The following THADA variants were observed in gnomAD, a reference collection of about 807,000 sequenced individuals.
THADA encodes THADA armadillo repeat containing.
Under a neutral mutation model 219.8 loss-of-function variants are expected in THADA, and 213 were observed. The observed-to-expected ratio is 0.97, with a 90% CI of 0.87 to 1.09. The LOEUF is 1.09. Ranked by LOEUF, THADA falls within the 50% of genes least tolerant of loss-of-function variation. The probability of loss-of-function intolerance (pLI) is 0.00; values close to 1 mark genes in which losing one functional copy is unlikely to be tolerated. For synonymous variants in THADA, 1,018 were observed against 828.9 expected (o/e 1.23, Z -3.92); for missense variants, 2,956 against 2,311.3 (o/e 1.28, Z -5.72).
intron 36 of THADA, among the ~76,000 whole-genome samples, chr2:43,271,910 C>T (rs79009976): frequency 0.03 from 4,631 of 152,224 alleles, 200 homozygotes; most frequent in African/African-American, 0.1. Flanking sequence ...CCACCACGCC[C>T]GGCCTCTCTT....
At chr2:43,358,623 G>T (rs1051971915) in intron 29 of THADA, among the ~76,000 whole-genome samples, 1 of 152,208 alleles carries the variant, frequency 6.6e-6, no homozygotes, top group African/African-American at 2.4e-5. Flanking sequence ...CTTGTAAAGA[G>T]AGACTGGCTT....
intron 20 of THADA, among the ~76,000 whole-genome samples, chr2:43,544,934 G>A (rs903271428): frequency 2.1e-4 from 31 of 151,068 alleles, no homozygotes; most frequent in Middle Eastern, 3.4e-3. Context: ...TGGTGAGAGA[G>A]GGCATCCCTG....
intron 7 of THADA, among the ~76,000 whole-genome samples, chr2:43,584,900 A>G (rs1231825345): frequency 6.6e-6 from 1 of 152,230 alleles, no homozygotes; most frequent in African/African-American, 2.4e-5. Context: ...GGAAGATAGC[A>G]CACACAGATA....
chr2:43,588,645 A>G (rs576115436), intron 4 of THADA, among the ~76,000 whole-genome samples: 141 of 152,278 alleles, frequency 9.3e-4, no homozygotes, highest in African/African-American at 3.3e-3. Context: ...TAATGATAGC[A>G]TTTTCCTTCA....
At chr2:43,585,293 T>G (rs964862437) in intron 7 of THADA, among the ~76,000 whole-genome samples, 1 of 148,602 alleles carries the variant, frequency 6.7e-6, no homozygotes, top group Non-Finnish European at 1.5e-5. Context: ...GAGGATCACT[T>G]GAGCCAATGA....
rs769611674 is a variant in THADA at position 43,570,404 on chromosome 2, G to A, written c.2171C>T (p.Ser724Phe). 25 of 1,611,838 alleles carry A rather than the reference G, an allele frequency of 1.6e-5. No homozygotes were observed. Among genetic ancestry groups the A allele is most frequent in the Non-Finnish European group, 2.1e-5 (25 of 1,179,210 alleles). Reference sequence around the variant, plus strand: ...ATCACCTACCTTATACTGCTGTAAAGAAACAGAAGGGTGCTGTTTGGTTAA... The same window carrying A: ...ATCACCTACCTTATACTGCTGTAAAAAAACAGAAGGGTGCTGTTTGGTTAA... Reference protein sequence around the residue: ...NELTKQHPSVSLQQYKNFMSS... With the variant: ...NELTKQHPSVFLQQYKNFMSS... The change falls in exon 14 of 38, where the codon TCT becomes TTT. Residue 724 changes from serine (S) to phenylalanine (F), a missense_variant. Physicochemically the swap from Ser to Phe is radical, Grantham distance 155. Coordinates refer to ENST00000405975, the MANE Select transcript of THADA (RefSeq NM_022065.5).
At chr2:43,241,775 T>C (rs911804272) in intron 36 of THADA, among the ~76,000 whole-genome samples, 2 of 151,976 alleles carry the variant, frequency 1.3e-5, no homozygotes, top group African/African-American at 4.8e-5. Flanking sequence ...CTGCCTCCCA[T>C]CGCGCGCCTT....
chr2:43,515,874 G>A (rs1370333028), intron 22 of THADA, among the ~76,000 whole-genome samples: 1 of 152,054 alleles, frequency 6.6e-6, no homozygotes, highest in East Asian at 1.9e-4. Flanking sequence ...TAGTTTCAAT[G>A]GGGTGTCTAC....
chr2:43,502,599 A>AAGAAAG (rs1553466050), intron 24 of THADA, among the ~76,000 whole-genome samples: 1 of 146,382 alleles, frequency 6.8e-6, no homozygotes, highest in African/African-American at 2.6e-5. Context: ...AAAAAAAAAA[A>AAGAAAG]AAAGAAAGAA....
At position 43,459,715 on chromosome 2, in the gene THADA, T is replaced by G. The variant is rs115083637; in HGVS notation, c.3836+25519A>C. On this transcript the variant is annotated intron_variant, in intron 26 of 37. Transcript: ENST00000405975. ...TGTGTGAATGTGAGGGACTGACTAC[T>G]GTGTACATAGGTCCATACTGGCTAT... is the stretch of plus-strand genomic sequence containing the variant. Among the ~76,000 whole-genome samples, 977 of 152,330 alleles carry G rather than the reference T, an allele frequency of 6.4e-3. 5 individuals carry two copies. The highest frequency in any genetic ancestry group is 1.0e-2 in the Non-Finnish European group (680 of 68,028).
At chr2:43,271,255 T>G (rs1412711251) in intron 36 of THADA, among the ~76,000 whole-genome samples, 1 of 152,202 alleles carries the variant, frequency 6.6e-6, no homozygotes, top group African/African-American at 2.4e-5. Flanking sequence ...ACAGAGTTAG[T>G]CCAGGATTTT....
chr2:43,509,241 C>T (rs1377970781), intron 22 of THADA, among the ~76,000 whole-genome samples: 2 of 152,224 alleles, frequency 1.3e-5, no homozygotes, highest in Middle Eastern at 3.4e-3. Context: ...CAAAATGAGG[C>T]CTACCACAAA....
intron 24 of THADA, among the ~76,000 whole-genome samples, chr2:43,503,420 A>T (rs1237405913): frequency 6.6e-6 from 1 of 152,216 alleles, no homozygotes; most frequent in Non-Finnish European, 1.5e-5. Flanking sequence ...GTTGATTGAC[A>T]AAAGCAAAGT....
chr2:43,436,343 T>C (rs1325909571), intron 26 of THADA, among the ~76,000 whole-genome samples: 1 of 152,160 alleles, frequency 6.6e-6, no homozygotes, highest in Non-Finnish European at 1.5e-5. Flanking sequence ...TGTCTGTTTT[T>C]TGAAATTGCC....
intron 30 of THADA, among the ~76,000 whole-genome samples, chr2:43,328,397 T>C (rs139832868): frequency 7.9e-4 from 121 of 152,294 alleles, no homozygotes; most frequent in Middle Eastern, 6.8e-3. Flanking sequence ...CCAACATCCA[T>C]CCTGCCTTTC....
chr2:43,529,204 G>T (rs1360958299), intron 21 of THADA, among the ~76,000 whole-genome samples: 3 of 151,920 alleles, frequency 2.0e-5, no homozygotes, highest in African/African-American at 7.3e-5. Context: ...CCAGGCTGGA[G>T]TGCAGTGGCA....
At chr2:43,341,624 A>G (rs1667072477) in intron 30 of THADA, among the ~76,000 whole-genome samples, 1 of 152,218 alleles carries the variant, frequency 6.6e-6, no homozygotes, top group African/African-American at 2.4e-5. Flanking sequence ...ATGAAGGAGT[A>G]GCAAGCTAAG....
chr2:43,511,808 T>G (rs954203179), intron 22 of THADA, among the ~76,000 whole-genome samples: 2 of 152,202 alleles, frequency 1.3e-5, no homozygotes, highest in African/African-American at 4.8e-5. Context: ...TACTAGGTAT[T>G]AGGCGTACAT....
chr2:43,525,155 C>A (rs918406285), intron 22 of THADA, among the ~76,000 whole-genome samples: 3 of 152,190 alleles, frequency 2.0e-5, no homozygotes, highest in East Asian at 1.9e-4. Context: ...CCTCTTTCAA[C>A]TTCCTTTGTT....
Sources: gnomAD v4.1 joint callset for allele counts (sites outside exome capture counted in the v4.1 genomes callset) on GRCh38, gnomAD v4.1.1 for gene constraint, MANE v1.5 for transcripts, NCBI Gene and HGNC (gene_info 2026-07-23, HGNC 2026-07-21) for gene names.